DYM: variants seen among roughly 807,000 people sequenced by gnomAD.
DYM encodes the protein dymeclin.
A neutral mutation model predicts 93.1 loss-of-function variants in DYM; 78 were observed. The ratio of observed to expected loss-of-function variants is 0.84; its 90% CI spans 0.70 to 1.01. DYM has a LOEUF of 1.01. Among genes scored for constraint, DYM ranks in the 50% least tolerant of loss-of-function variants. The pLI is 0.00. For missense variants in DYM, 789 were observed against 845.0 expected, an observed-to-expected ratio of 0.93 and a Z score of 0.82; for synonymous variants, 321 against 319.7, an observed-to-expected ratio of 1.00 and a Z score of -0.04.
intron 17 of DYM, among the ~76,000 whole-genome samples, chr18:49,095,090 G>A (rs1272420802): frequency 6.6e-6 from 1 of 151,998 alleles, no homozygotes; most frequent in Non-Finnish European, 1.5e-5. Flanking sequence ...TTACACACCC[G>A]ACAATTATTT....
At chr18:49,135,332 G>C (rs1263643672) in intron 15 of DYM, among the ~76,000 whole-genome samples, 1 of 152,136 alleles carries the variant, frequency 6.6e-6, no homozygotes, top group Non-Finnish European at 1.5e-5. Flanking sequence ...AAATTGGCCA[G>C]ATATACAAGA....
At chr18:49,099,522 A>G (rs2079909926) in intron 16 of DYM, among the ~76,000 whole-genome samples, 1 of 152,210 alleles carries the variant, frequency 6.6e-6, no homozygotes, top group South Asian at 2.1e-4. Flanking sequence ...AAATCATGCA[A>G]TATACTACAG....
intron 2 of DYM, among the ~76,000 whole-genome samples, chr18:49,417,162 G>C (rs1178006342): frequency 6.6e-6 from 1 of 152,114 alleles, no homozygotes; most frequent in Non-Finnish European, 1.5e-5. Context: ...TGGTGGTGTT[G>C]TTTGAGACAG....
intron 16 of DYM, 108 bp from the exon 17 acceptor site, chr18:49,097,623 G>A: frequency 9.8e-7 from 1 of 1,020,662 alleles, no homozygotes; most frequent in Non-Finnish European, 1.5e-6. Flanking sequence ...TTCCTACAGT[G>A]ACCCGGCTTT....
At chr18:49,421,599 C>T (rs1001344298) in intron 2 of DYM, among the ~76,000 whole-genome samples, 1 of 152,208 alleles carries the variant, frequency 6.6e-6, no homozygotes, top group Non-Finnish European at 1.5e-5. Flanking sequence ...CTCTTCTCCT[C>T]CAAAGGAACG....
At chr18:49,294,265 G>A (rs1018695922) in intron 8 of DYM, among the ~76,000 whole-genome samples, 1 of 152,138 alleles carries the variant, frequency 6.6e-6, no homozygotes, top group African/African-American at 2.4e-5. Flanking sequence ...CTCCAGCTTT[G>A]TTCTTTTTGC....
intron 4 of DYM, 46 bp downstream of exon 4, chr18:49,379,609 AACTAAAATTC>A: frequency 7.2e-7 from 1 of 1,393,730 alleles, no homozygotes; most frequent in Non-Finnish European, 1.0e-6. Context: ...AATAAATGAA[AACTAAAATTC>A]ACATTGTTAA....
chr18:49,335,120 TAAAG>T (rs930779579), intron 6 of DYM, among the ~76,000 whole-genome samples: 1 of 150,708 alleles, frequency 6.6e-6, no homozygotes, highest in African/African-American at 2.4e-5. Flanking sequence ...AAACAAAAAA[TAAAG>T]AAAGAAAAAG....
At chr18:49,244,066 C>A (rs984941916) in intron 13 of DYM, among the ~76,000 whole-genome samples, 1 of 152,046 alleles carries the variant, frequency 6.6e-6, no homozygotes, top group African/African-American at 2.4e-5. Flanking sequence ...AGTAATTTTT[C>A]TTAACCAGTG....
intron 1 of DYM, among the ~76,000 whole-genome samples, chr18:49,439,885 T>C (rs1184257580): frequency 1.3e-5 from 2 of 151,784 alleles, no homozygotes; most frequent in African/African-American, 2.4e-5. Flanking sequence ...AAGCCTGTAG[T>C]CCCAGCTACT....
At chr18:49,189,129 A>T (rs2090729571) in intron 14 of DYM, among the ~76,000 whole-genome samples, 1 of 152,214 alleles carries the variant, frequency 6.6e-6, no homozygotes, top group Non-Finnish European at 1.5e-5. Flanking sequence ...TAAAGATGGG[A>T]ATAACAGAAA....
At chr18:49,140,272 A>C (rs1179096513) in intron 15 of DYM, among the ~76,000 whole-genome samples, 4 of 151,232 alleles carry the variant, frequency 2.6e-5, no homozygotes, top group Non-Finnish European at 5.9e-5. Context: ...CTCAGTTCTC[A>C]AAACCTCTTC....
chr18:49,393,059 G>GGGA (rs1219173978), intron 2 of DYM, among the ~76,000 whole-genome samples: 1 of 134,026 alleles, frequency 7.5e-6, no homozygotes, highest in African/African-American at 2.7e-5. Context: ...AGGGGAGGAG[G>GGGA]GGAGGAGGAG....
At chr18:49,233,333 T>C (rs1025061844) in intron 13 of DYM, among the ~76,000 whole-genome samples, 14 of 146,484 alleles carry the variant, frequency 9.6e-5, no homozygotes, top group African/African-American at 3.6e-4. Flanking sequence ...CACTCCATCC[T>C]GGGTGACAGG....
chr18:49,099,986 T>C (rs1384963402), intron 16 of DYM, among the ~76,000 whole-genome samples: 1 of 152,140 alleles, frequency 6.6e-6, no homozygotes. Flanking sequence ...TTTAACTAAA[T>C]CTAGATACTG....
chr18:49,290,057 C>G lies in DYM; in HGVS notation c.764-3441G>C, dbSNP rs1044469490. 6.6e-5 allele frequency among the ~76,000 whole-genome samples: 10 copies of G among 150,832 alleles called. No individual in the cohort carries two copies. In the East Asian group the frequency reaches 1.9e-3, roughly 29 times the overall value. On this transcript the variant is annotated intron_variant, in intron 8 of 17. Coordinates refer to ENST00000675505, the MANE Select transcript of DYM (RefSeq NM_001353214.3). ...AAAATAAAATGCACATACTCATGAG[C>G]CCAGCAATTCTTTTTTTTTTTCTAT...
At chr18:49,162,762 C>G (rs1419648705) in intron 15 of DYM, among the ~76,000 whole-genome samples, 5 of 152,200 alleles carry the variant, frequency 3.3e-5, no homozygotes, top group African/African-American at 7.2e-5. Context: ...CAATTAGATT[C>G]TCTTTCTCAG....
intron 15 of DYM, among the ~76,000 whole-genome samples, chr18:49,143,301 A>C (rs1360447356): frequency 6.6e-6 from 1 of 152,162 alleles, no homozygotes; most frequent in Non-Finnish European, 1.5e-5. Flanking sequence ...CCTTTATGCC[A>C]CAGTGCAATG....
intron 17 of DYM, among the ~76,000 whole-genome samples, chr18:49,069,499 A>G (rs1175449915): frequency 6.6e-6 from 1 of 152,212 alleles, no homozygotes; most frequent in East Asian, 1.9e-4. Flanking sequence ...TCTTTTTGGT[A>G]TATTTTCATG....
Sources: allele counts gnomAD v4.1 joint callset (sites outside exome capture counted in the v4.1 genomes callset), GRCh38; gene constraint gnomAD v4.1.1; transcripts MANE v1.5; gene names NCBI Gene and HGNC (gene_info 2026-07-23, HGNC 2026-07-21).